EHHADH: variants seen among roughly 807,000 people sequenced by gnomAD.
The protein encoded by EHHADH is peroxisomal bifunctional enzyme.
A neutral mutation model predicts 64.4 loss-of-function variants in EHHADH; 48 were observed. The ratio of observed to expected loss-of-function variants is 0.75; its 90% CI spans 0.59 to 0.95. EHHADH has a LOEUF of 0.95. Among genes scored for constraint, EHHADH ranks in the 40% least tolerant of loss-of-function variants. The pLI is 0.00. For synonymous variants in EHHADH, 308 were observed against 326.7 expected (o/e 0.94, Z 0.62); for missense variants, 854 against 876.6 (o/e 0.97, Z 0.33).
At chr3:185,225,997 C>T (rs1718961814) in intron 4 of EHHADH, among the ~76,000 whole-genome samples, 1 of 152,162 alleles carries the variant, frequency 6.6e-6, no homozygotes, top group Admixed American at 6.5e-5. Flanking sequence ...CTTATCTCCA[C>T]CTGTCTATAT....
chr3:185,228,652 T>G (rs1719067606), intron 4 of EHHADH, among the ~76,000 whole-genome samples: 1 of 151,586 alleles, frequency 6.6e-6, no homozygotes, highest in African/African-American at 2.4e-5. Flanking sequence ...CACTCCAGCC[T>G]GGGCTACAAG....
chr3:185,192,160 A>G lies in EHHADH; in HGVS notation c.*66T>C. 6.7e-7 allele frequency: 1 copy of G among 1,489,828 alleles called. No individual in the cohort carries two copies. Among genetic ancestry groups the G allele is most frequent in the Non-Finnish European group, 9.0e-7 (1 of 1,105,444 alleles). The allele number at this position is 1,489,828 out of a possible 1,614,324, so 92.3% of individuals were successfully genotyped here. A position where few individuals can be genotyped will look rare whatever the true frequency, so the allele number is the denominator to read the frequency against. ...CAATCTTACTTTGGATTTTTGATTT[A>G]ATTTCACTGAAATTCAGTCAGCATT... On this transcript the variant is annotated 3_prime_UTR_variant, in exon 7 of 7. Coordinates refer to ENST00000231887, the MANE Select transcript of EHHADH (RefSeq NM_001966.4).
rs943170280 is a variant in EHHADH at position 185,251,220 on chromosome 3, T to C, written c.75-2703A>G. ...TATAGAAGGTCTTTCCTTTTTTTTT[T>C]AGACAGTTTTTTTTTTTAAACCAAA... On this transcript the variant is annotated intron_variant, in intron 1 of 6. Coordinates refer to ENST00000231887, the MANE Select transcript of EHHADH (RefSeq NM_001966.4). Among the ~76,000 whole-genome samples the C allele has an allele frequency of 8.1e-5, 12 of 148,636 alleles. No homozygotes were observed. The South Asian group carries it at 1.3e-3, about 16-fold the overall frequency.
At chr3:185,245,315 C>A in intron 2 of EHHADH, 1 of 352,868 alleles carries the variant, frequency 2.8e-6, no homozygotes, top group East Asian at 5.5e-5. Flanking sequence ...CAGCATCTTG[C>A]AAGGATTTCA....
Position 185,192,559 on chromosome 3 carries a change from G to T in EHHADH, c.1839C>A (p.Thr613=), listed in dbSNP as rs1408928062. The T allele has an allele frequency of 6.2e-7, 1 of 1,614,154 alleles. No homozygotes were observed. The highest frequency in any genetic ancestry group is 8.5e-7 in the Non-Finnish European group (1 of 1,180,028). ...GTTCAAGGATCTCATCCTGGCTAAT[G>T]GTACGTGGTTCAATGTGATGGGTTT... is the stretch of plus-strand genomic sequence containing the variant. ...YRKTHHIEPR[T]ISQDEILERC... is the part of the protein sequence containing the mutation. Residue 613 remains threonine (T), a synonymous_variant, in exon 7 of 7, where the codon ACC becomes ACA. Coordinates refer to ENST00000231887, the MANE Select transcript of EHHADH (RefSeq NM_001966.4).
In EHHADH at chr3:185,254,043, C is replaced by A; in HGVS notation, c.-21G>T. On this transcript the variant is annotated 5_prime_UTR_variant, in exon 1 of 7. Transcript: ENST00000231887. ...GCCATGTTTCCTCTATCACCGAGGGCACCTCTGCCTCTCGCCGTCAGGCAA... is the reference window on the plus strand; with the variant it reads ...GCCATGTTTCCTCTATCACCGAGGGAACCTCTGCCTCTCGCCGTCAGGCAA... The A allele has an allele frequency of 6.2e-7, 1 of 1,611,502 alleles. No individual in the cohort carries two copies. Among genetic ancestry groups the A allele is most frequent in the Non-Finnish European group, 8.5e-7 (1 of 1,178,088 alleles).
chr3:185,200,156 A>C (rs1718185259), intron 6 of EHHADH, among the ~76,000 whole-genome samples: 3 of 152,316 alleles, frequency 2.0e-5, no homozygotes, highest in South Asian at 4.1e-4. Context: ...ACAGTGGCAG[A>C]TGATGTGTTG....
chr3:185,224,058 G>C (rs1042157218), intron 4 of EHHADH, among the ~76,000 whole-genome samples: 7 of 152,086 alleles, frequency 4.6e-5, no homozygotes, highest in East Asian at 3.9e-4. Flanking sequence ...GATCAGAAAG[G>C]GTTAGCCACC....
chr3:185,228,209 T>TG (rs1719042205), intron 4 of EHHADH, among the ~76,000 whole-genome samples: 1 of 114,394 alleles, frequency 8.7e-6, no homozygotes, highest in Non-Finnish European at 1.6e-5. Context: ...CATTCCAGCC[T>TG]GGCGATAGAG....
chr3:185,246,073 CT>C (rs1381543605), intron 2 of EHHADH: 2 of 1,275,848 alleles, frequency 1.6e-6, no homozygotes, highest in Admixed American at 3.4e-5. Flanking sequence ...TCTTTTTCTT[CT>C]TTTTATTCCA....
chr3:185,249,274 G>T (rs934929485), intron 1 of EHHADH, among the ~76,000 whole-genome samples: 1 of 152,018 alleles, frequency 6.6e-6, no homozygotes, highest in African/African-American at 2.4e-5. Context: ...GACTACAGGC[G>T]CCCGCCACCA....
chr3:185,252,194 G>A (rs1415333288), intron 1 of EHHADH, among the ~76,000 whole-genome samples: 1 of 152,156 alleles, frequency 6.6e-6, no homozygotes, highest in Non-Finnish European at 1.5e-5. Context: ...GAGGTCAGGA[G>A]ATTGAGACCA....
chr3:185,224,431 G>C (rs956715890), intron 4 of EHHADH, among the ~76,000 whole-genome samples: 2 of 149,808 alleles, frequency 1.3e-5, no homozygotes, highest in African/African-American at 4.9e-5. Context: ...AACCCGGGAG[G>C]TGGAGGTTGT....
At chr3:185,205,062 A>T (rs1408719597) in intron 5 of EHHADH, among the ~76,000 whole-genome samples, 2 of 151,910 alleles carry the variant, frequency 1.3e-5, no homozygotes, top group Admixed American at 6.6e-5. Context: ...TTAATTAATT[A>T]AATTAATCAA....
rs1320934087 is a variant in EHHADH, at chr3:185,218,125, T to C, written c.568+11A>G. 1 of 1,580,316 alleles carries C rather than the reference T, an allele frequency of 6.3e-7. No homozygotes were observed. The highest frequency in any genetic ancestry group is 1.4e-5 in the African/African-American group (1 of 72,810). On this transcript the variant is annotated intron_variant, in intron 5 of 6. Transcript: ENST00000231887. ...TACAGTCTTTGGCTATTTTTATTAT[T>C]ATCTTCTTACCTGAAACTCTCTGAG...
intron 4 of EHHADH, among the ~76,000 whole-genome samples, chr3:185,218,661 T>TAGC (rs985609018): frequency 1.2e-4 from 19 of 152,064 alleles, no homozygotes; most frequent in African/African-American, 4.6e-4. Flanking sequence ...ATAATAGAAG[T>TAGC]AGCAGCAGCA....
At position 185,192,920 on chromosome 3, in the gene EHHADH, T is replaced by G; in HGVS notation, c.1478A>C (p.Tyr493Ser). 6.2e-7 allele frequency: 1 copy of G among 1,614,166 alleles called. No homozygotes were observed. Among genetic ancestry groups the G allele is most frequent in the Non-Finnish European group, 8.5e-7 (1 of 1,180,028 alleles). Residue 493 changes from tyrosine (Y) to serine (S), a missense_variant, in exon 7 of 7, where the codon TAT (tyrosine) becomes TCT (serine). Tyr to Ser is a moderately radical substitution (Grantham distance 144). Coordinates refer to ENST00000231887, the MANE Select transcript of EHHADH (RefSeq NM_001966.4). Reference protein sequence around the residue: ...RMLNPYYNQAYFLLEEGSKPE... With the variant: ...RMLNPYYNQASFLLEEGSKPE... Reference sequence around the variant, plus strand: ...TTTGCTGCCTTCTTCTAACAAGAAATATGCCTGATTGTAGTAAGGATTCAA... The same window carrying G: ...TTTGCTGCCTTCTTCTAACAAGAAAGATGCCTGATTGTAGTAAGGATTCAA...
intron 2 of EHHADH, among the ~76,000 whole-genome samples, chr3:185,235,810 A>G (rs2108647194): frequency 6.6e-6 from 1 of 152,314 alleles, no homozygotes; most frequent in South Asian, 2.1e-4. Context: ...TCTCCTCCAA[A>G]GATCATTATT....
intron 5 of EHHADH, among the ~76,000 whole-genome samples, chr3:185,208,487 A>G (rs891375415): frequency 6.6e-6 from 1 of 152,210 alleles, no homozygotes; most frequent in Non-Finnish European, 1.5e-5. Flanking sequence ...ATGCAGTTAG[A>G]CTTACTAGAA....
Sources: gnomAD v4.1 joint callset for allele counts (sites outside exome capture counted in the v4.1 genomes callset) on GRCh38, gnomAD v4.1.1 for gene constraint, MANE v1.5 for transcripts, NCBI Gene and HGNC (gene_info 2026-07-23, HGNC 2026-07-21) for gene names.